SYNE3: variants seen among roughly 807,000 people sequenced by gnomAD.
SYNE3 encodes the protein nesprin-3.
In SYNE3, 100 loss-of-function variants were observed where a neutral mutation model predicts 111.2. That is an observed-to-expected ratio of 0.90 (90% CI 0.77 to 1.06). SYNE3 has a LOEUF of 1.06. Ranked by LOEUF, SYNE3 falls within the 50% of genes least tolerant of loss-of-function variation. The pLI, the probability that SYNE3 is intolerant of heterozygous loss-of-function variation, is 0.00. For synonymous variants in SYNE3, 547 were observed against 533.9 expected (o/e 1.02, Z -0.34); for missense variants, 1,160 against 1,240.3 (o/e 0.94, Z 0.97).
intron 2 of SYNE3, among the ~76,000 whole-genome samples, 192 bp downstream of exon 2, chr14:95,475,486 G>C (rs567975634): frequency 1.3e-5 from 2 of 152,146 alleles, no homozygotes; most frequent in Non-Finnish European, 2.9e-5. Flanking sequence ...GCAAAGTCTC[G>C]GACTTCACCT....
chr14:95,487,248 T>C (rs1889595733), intron 1 of SYNE3, among the ~76,000 whole-genome samples: 1 of 152,248 alleles, frequency 6.6e-6, no homozygotes, highest in Non-Finnish European at 1.5e-5. Context: ...ATTTATGACA[T>C]GTTTACTAAG....
intron 7 of SYNE3, chr14:95,450,553 T>C (rs1887012288): frequency 6.3e-6 from 1 of 159,696 alleles, no homozygotes; most frequent in Non-Finnish European, 1.4e-5. Context: ...AGTGCATGCC[T>C]GTAGTCCTAG....
At chr14:95,421,954 T>C (rs1885153987) in intron 17 of SYNE3, among the ~76,000 whole-genome samples, 1 of 152,220 alleles carries the variant, frequency 6.6e-6, no homozygotes, top group Non-Finnish European at 1.5e-5. Flanking sequence ...AGACCCTCCC[T>C]GGCCTTACAC....
At chr14:95,444,317 TAAA>T (rs1276875552) in intron 10 of SYNE3, 165 bp downstream of exon 10, 10 of 855,910 alleles carry the variant, frequency 1.2e-5, no homozygotes, top group Non-Finnish European at 1.5e-5. Context: ...AACCATCAGA[TAAA>T]TAAGCAGAGG....
At chr14:95,498,951 A>G (rs968540966) in intron 1 of SYNE3, among the ~76,000 whole-genome samples, 5 of 152,226 alleles carry the variant, frequency 3.3e-5, no homozygotes, top group East Asian at 1.9e-4. Flanking sequence ...GTTTACAAAA[A>G]CAACACAGAA....
chr14:95,479,439 C>G (rs1004666761), intron 1 of SYNE3, among the ~76,000 whole-genome samples: 7 of 152,102 alleles, frequency 4.6e-5, no homozygotes, highest in Non-Finnish European at 1.0e-4. Flanking sequence ...TTCCTTTTTA[C>G]CAAACGCACA....
intron 17 of SYNE3, among the ~76,000 whole-genome samples, chr14:95,427,819 T>A (rs923800433): frequency 3.9e-5 from 6 of 152,190 alleles, no homozygotes; most frequent in African/African-American, 1.4e-4. Flanking sequence ...TATCTCTTTG[T>A]CTTGTGTCTT....
chr14:95,480,238 T>A (rs1335061494), intron 1 of SYNE3, among the ~76,000 whole-genome samples: 1 of 152,232 alleles, frequency 6.6e-6, no homozygotes, highest in East Asian at 1.9e-4. Flanking sequence ...GTCTCTGAGC[T>A]GTCCCCACTG....
intron 1 of SYNE3, among the ~76,000 whole-genome samples, chr14:95,493,009 C>T (rs1889921265): frequency 6.6e-6 from 1 of 152,122 alleles, no homozygotes; most frequent in African/African-American, 2.4e-5. Flanking sequence ...GCTTGAATTT[C>T]CTTAAAAATA....
chr14:95,455,953 A>T (rs1412140773), intron 5 of SYNE3: 1 of 515,966 alleles, frequency 1.9e-6, no homozygotes, highest in Non-Finnish European at 3.4e-6. Context: ...CCATTTGATT[A>T]AGTCAAGGAG....
intron 4 of SYNE3, among the ~76,000 whole-genome samples, chr14:95,460,108 G>GCAA (rs1250327595): frequency 2.0e-5 from 3 of 152,220 alleles, no homozygotes; most frequent in Non-Finnish European, 4.4e-5. Context: ...TCTCAAAACA[G>GCAA]CAACAACAAC....
In SYNE3 at chr14:95,457,231, G is replaced by A. The variant is rs763257667; in HGVS notation, c.735C>T (p.Gly245=). ...WLKAVVEKVN[G]CLGRNCKLPI... Reference sequence around the variant, plus strand: ...GCAGCTTGCAGTTCCGCCCCAGGCAGCCATTCACCTTCTCCACCACCGCCT... The same window carrying A: ...GCAGCTTGCAGTTCCGCCCCAGGCAACCATTCACCTTCTCCACCACCGCCT... Residue 245 remains glycine (G), a synonymous_variant, in exon 5 of 18, where the codon GGC becomes GGT. Coordinates refer to ENST00000682763, the MANE Select transcript of SYNE3 (RefSeq NM_152592.6). 2 of 1,614,100 alleles carry A rather than the reference G, an allele frequency of 1.2e-6. No individual in the cohort carries two copies. Among genetic ancestry groups the A allele is most frequent in the Middle Eastern group, 1.6e-4 (1 of 6,062 alleles).
intron 14 of SYNE3, 148 bp from the exon 15 acceptor site, chr14:95,437,129 T>C: frequency 2.3e-6 from 2 of 852,048 alleles, no homozygotes; most frequent in Non-Finnish European, 3.6e-6. Context: ...GAACAATGAA[T>C]CTCTACTCAA....
At chr14:95,440,449 G>A (rs755516698) in intron 11 of SYNE3, among the ~76,000 whole-genome samples, 76 of 152,164 alleles carry the variant, frequency 5.0e-4, no homozygotes, top group Non-Finnish European at 8.8e-4. Context: ...TTCCACTCCC[G>A]GTGTATGTCC....
intron 1 of SYNE3, among the ~76,000 whole-genome samples, chr14:95,514,390 G>A (rs1289239700): frequency 1.3e-5 from 2 of 152,178 alleles, no homozygotes; most frequent in Non-Finnish European, 1.5e-5. Context: ...GGACCATGAG[G>A]GGGGTGAGCC....
rs1886262245 is a variant in SYNE3, at chr14:95,439,113, TC to T, written c.2295del (p.Met767TrpfsTer44). 1 of 1,614,272 alleles carries T rather than the reference TC, an allele frequency of 6.2e-7. No homozygotes were observed. The highest frequency in any genetic ancestry group is 8.5e-7 in the Non-Finnish European group (1 of 1,180,050). ...GGGATGTTGTTGGTGAAAACCATTT[TC>T]TTCCCCGAATCCACTTCCATCCTCT... ...HLQRMEVDSG[K>X]KMVFTNNIPK... On this transcript the variant is annotated frameshift_variant, in exon 14 of 18. Transcript: ENST00000682763. LOFTEE classifies it high-confidence loss of function.
Position 95,415,145 on chromosome 14 carries a change from A to C in SYNE3, c.*2681T>G, listed in dbSNP as rs1404605079. ...ATCATACCACAATGAGCAGGGTACC[A>C]CCTGAGGGCCATGGTGGCCAGTTGG... On this transcript the variant is annotated 3_prime_UTR_variant, in exon 18 of 18. Transcript: ENST00000682763. 6.6e-6 allele frequency: 1 copy of C among 151,906 alleles called. No individual in the cohort carries two copies. Among genetic ancestry groups the C allele is most frequent in the Non-Finnish European group, 1.5e-5 (1 of 67,986 alleles). The allele number at this position is 151,906 out of a possible 1,614,324, so 9.4% of individuals were successfully genotyped here.
In SYNE3 at chr14:95,500,433, G is replaced by A. The variant is rs536256429; in HGVS notation, c.-15+16163C>T. ...GGAGTGAGTGATACCTTGCAGACGCGTAGGTGTCCTCTTGAGTCCCCAGAC... is the reference window on the plus strand; with the variant it reads ...GGAGTGAGTGATACCTTGCAGACGCATAGGTGTCCTCTTGAGTCCCCAGAC... On this transcript the variant is annotated intron_variant, in intron 1 of 17. Coordinates refer to ENST00000682763, the MANE Select transcript of SYNE3 (RefSeq NM_152592.6). This position sits in a 1 kb window ranked among gnomAD's most constrained non-coding sequence, Gnocchi z 4.7. Among the ~76,000 whole-genome samples the A allele has an allele frequency of 2.6e-5, 4 of 152,182 alleles. No individual in the cohort carries two copies. Among genetic ancestry groups the A allele is most frequent in the African/African-American group, 9.7e-5 (4 of 41,438 alleles).
intron 14 of SYNE3, 32 bp from the exon 15 acceptor site, chr14:95,437,013 G>A (rs1207989070): frequency 6.2e-7 from 1 of 1,613,402 alleles, no homozygotes; most frequent in Admixed American, 1.7e-5. Context: ...AAGCGTCAGA[G>A]GTGAAAGAGC....
Sources: gnomAD v4.1 joint callset for allele counts (sites outside exome capture counted in the v4.1 genomes callset) on GRCh38, gnomAD v4.1.1 for gene constraint, Gnocchi (gnomAD v3.1) non-coding constraint, MANE v1.5 for transcripts, NCBI Gene and HGNC (gene_info 2026-07-23, HGNC 2026-07-21) for gene names.